TMEM117: variants seen among roughly 807,000 people sequenced by gnomAD.
The protein encoded by TMEM117 is transmembrane protein 117.
In TMEM117, 27 loss-of-function variants were observed where a neutral mutation model predicts 52.4. That is an observed-to-expected ratio of 0.51 (90% CI 0.38 to 0.71). The LOEUF is 0.71. Ranked by LOEUF, TMEM117 falls within the 30% of genes least tolerant of loss-of-function variation. TMEM117 has a pLI of 0.00. For synonymous variants in TMEM117, 215 were observed against 206.3 expected, an observed-to-expected ratio of 1.04 and a Z score of -0.36; for missense variants, 556 against 630.5, an observed-to-expected ratio of 0.88 and a Z score of 1.26.
intron 2 of TMEM117, among the ~76,000 whole-genome samples, chr12:43,896,768 A>C (rs916422646): frequency 6.6e-5 from 10 of 152,214 alleles, no homozygotes; most frequent in Non-Finnish European, 1.0e-4. Flanking sequence ...ATGTGCACAT[A>C]ATCCAAGGCT....
chr12:44,005,214 T>A (rs956696513), intron 3 of TMEM117, among the ~76,000 whole-genome samples: 1 of 152,354 alleles, frequency 6.6e-6, no homozygotes, highest in African/African-American at 2.4e-5. Flanking sequence ...AAGACCTCTG[T>A]TGCAAATAAG....
chr12:43,930,408 T>C (rs1380219573), intron 2 of TMEM117, among the ~76,000 whole-genome samples: 1 of 152,192 alleles, frequency 6.6e-6, no homozygotes, highest in Non-Finnish European at 1.5e-5. Context: ...TGGACATGAA[T>C]TTCAATTTTT....
At chr12:44,220,555 G>A (rs1949774913) in intron 5 of TMEM117, among the ~76,000 whole-genome samples, 1 of 152,116 alleles carries the variant, frequency 6.6e-6, no homozygotes. Flanking sequence ...TGCTGAGAGA[G>A]CTTAGATAGA....
intron 3 of TMEM117, among the ~76,000 whole-genome samples, chr12:44,095,784 G>A (rs916312637): frequency 2.0e-5 from 3 of 152,158 alleles, no homozygotes; most frequent in African/African-American, 7.2e-5. Flanking sequence ...AAAACTGGAA[G>A]CATTCCCTTT....
chr12:43,919,051 G>A (rs577506641), intron 2 of TMEM117, among the ~76,000 whole-genome samples: 29 of 152,126 alleles, frequency 1.9e-4, no homozygotes, highest in East Asian at 3.9e-4. Context: ...CAAAAACTTC[G>A]GTGTTGTATC....
intron 7 of TMEM117, among the ~76,000 whole-genome samples, chr12:44,385,894 C>T (rs1317981297): frequency 6.6e-6 from 1 of 151,976 alleles, no homozygotes; most frequent in Admixed American, 6.6e-5. Context: ...TTTTCCTTTT[C>T]TCTCCCCTCA....
chr12:43,912,259 A>G (rs1944517937), intron 2 of TMEM117, among the ~76,000 whole-genome samples: 1 of 141,198 alleles, frequency 7.1e-6, no homozygotes, highest in African/African-American at 2.5e-5. Flanking sequence ...AAAAAACCAA[A>G]CACTGCATAT....
At chr12:44,147,787 C>T (rs1403756146) in intron 4 of TMEM117, among the ~76,000 whole-genome samples, 1 of 151,988 alleles carries the variant, frequency 6.6e-6, no homozygotes, top group East Asian at 1.9e-4. Flanking sequence ...CAAAAATTAG[C>T]TGGATATAGT....
downstream of TMEM117, among the ~76,000 whole-genome samples, chr12:44,390,276 A>C (rs1414764004): frequency 6.6e-6 from 1 of 151,772 alleles, no homozygotes; most frequent in Non-Finnish European, 1.5e-5. Flanking sequence ...TGCCCATACT[A>C]TCTAAAGGAA....
the TMEM117 span, among the ~76,000 whole-genome samples, chr12:43,826,327 T>C: frequency 6.6e-6 from 1 of 152,244 alleles, no homozygotes. Flanking sequence ...TGTATTAACT[T>C]AATCTTTTCT....
chr12:43,900,259 A>T (rs1021508773), intron 2 of TMEM117, among the ~76,000 whole-genome samples: 4 of 152,120 alleles, frequency 2.6e-5, no homozygotes, highest in Non-Finnish European at 5.9e-5. Context: ...ATCTGCTGGG[A>T]CAGTGTTCTG....
intron 6 of TMEM117, among the ~76,000 whole-genome samples, chr12:44,326,325 A>G (rs1370995936): frequency 1.3e-5 from 2 of 152,216 alleles, no homozygotes; most frequent in African/African-American, 4.8e-5. Context: ...TTTTAAATGT[A>G]TCAATCTTTT....
chr12:44,189,204 A>G (rs1342670605), intron 4 of TMEM117, among the ~76,000 whole-genome samples: 1 of 152,182 alleles, frequency 6.6e-6, no homozygotes, highest in Non-Finnish European at 1.5e-5. Context: ...TATTAAATAT[A>G]TGAATGAATA....
At chr12:44,046,872 G>A (rs1946888327) in intron 3 of TMEM117, among the ~76,000 whole-genome samples, 1 of 152,018 alleles carries the variant, frequency 6.6e-6, no homozygotes. Context: ...TTTGGGTTGG[G>A]GATTGATGTG....
At chr12:43,814,241 A>T in the TMEM117 span, among the ~76,000 whole-genome samples, 1,452 of 152,266 alleles carry the variant, frequency 9.5e-3, 11 homozygotes, top group Middle Eastern at 0.044. Flanking sequence ...ACGACTGCCT[A>T]CTTGTGTGAT....
chr12:43,860,367 C>T (rs1429583402), intron 2 of TMEM117, among the ~76,000 whole-genome samples: 1 of 152,100 alleles, frequency 6.6e-6, no homozygotes, highest in African/African-American at 2.4e-5. Flanking sequence ...CAGCATTGAA[C>T]CCAACAAGGT....
At chr12:44,114,683 C>T (rs1565833561) in intron 3 of TMEM117, among the ~76,000 whole-genome samples, 1 of 152,210 alleles carries the variant, frequency 6.6e-6, no homozygotes, top group Non-Finnish European at 1.5e-5. Flanking sequence ...TCAAGACAAA[C>T]TTCTGAGAGA....
chr12:43,798,451 G>A, the TMEM117 span: 1 of 977,222 alleles, frequency 1.0e-6, no homozygotes, highest in South Asian at 1.8e-5. Flanking sequence ...CTCATTCGCA[G>A]TGTTGCAACA....
At chr12:43,894,395 T>A (rs958464588) in intron 2 of TMEM117, among the ~76,000 whole-genome samples, 1 of 152,210 alleles carries the variant, frequency 6.6e-6, no homozygotes, top group Non-Finnish European at 1.5e-5. Flanking sequence ...TTCTTTTTTT[T>A]AAAATTTAAC....
Sources: gnomAD v4.1 joint callset for allele counts (sites outside exome capture counted in the v4.1 genomes callset) on GRCh38, gnomAD v4.1.1 for gene constraint, MANE v1.5 for transcripts, NCBI Gene and HGNC (gene_info 2026-07-23, HGNC 2026-07-21) for gene names.